CFAP54: variants seen among roughly 807,000 people sequenced by gnomAD.
The protein encoded by CFAP54 is cilia and flagella associated protein 54.
Under a neutral mutation model 370.4 loss-of-function variants are expected in CFAP54, and 290 were observed. That is an observed-to-expected ratio of 0.78 (90% CI 0.71 to 0.86). The LOEUF is 0.86. Ranked by LOEUF, CFAP54 falls within the 40% of genes least tolerant of loss-of-function variation. The pLI, the probability that CFAP54 is intolerant of heterozygous loss-of-function variation, is 0.00. For missense variants in CFAP54, 3,399 were observed against 3,528.7 expected, an observed-to-expected ratio of 0.96 and a Z score of 0.93; for synonymous variants, 1,206 against 1,236.5, an observed-to-expected ratio of 0.98 and a Z score of 0.52.
At chr12:96,653,681 C>G (rs1462117062) in intron 36 of CFAP54, among the ~76,000 whole-genome samples, 1 of 151,174 alleles carries the variant, frequency 6.6e-6, no homozygotes, top group Non-Finnish European at 1.5e-5. Flanking sequence ...TATCAATTAT[C>G]TAAATGTTTA....
chr12:96,728,436 ATC>A (rs1223052422), intron 50 of CFAP54, among the ~76,000 whole-genome samples: 7 of 152,044 alleles, frequency 4.6e-5, no homozygotes, highest in Non-Finnish European at 8.8e-5. Context: ...TTCATCTTCC[ATC>A]ACTGATACCC....
At chr12:96,810,169 C>G (rs1447827956) in intron 63 of CFAP54, among the ~76,000 whole-genome samples, 1 of 151,922 alleles carries the variant, frequency 6.6e-6, no homozygotes, top group Non-Finnish European at 1.5e-5. Context: ...CCTGAGCCTC[C>G]AGTTCCTGAG....
chr12:96,549,007 A>C (rs1246585499), intron 15 of CFAP54, among the ~76,000 whole-genome samples: 3 of 152,110 alleles, frequency 2.0e-5, no homozygotes, highest in African/African-American at 7.2e-5. Flanking sequence ...GGCATGTGCC[A>C]CCACACCCAG....
intron 6 of CFAP54, among the ~76,000 whole-genome samples, chr12:96,519,460 A>C (rs1327427179): frequency 6.6e-6 from 1 of 152,128 alleles, no homozygotes; most frequent in Non-Finnish European, 1.5e-5. Context: ...CAGGGGAAAA[A>C]CAAAACCCAA....
chr12:96,539,962 G>A (rs1360334560), intron 13 of CFAP54, among the ~76,000 whole-genome samples: 1 of 152,220 alleles, frequency 6.6e-6, no homozygotes, highest in East Asian at 1.9e-4. Flanking sequence ...ACATTAGTAT[G>A]CATAGGTGTG....
At chr12:96,687,762 A>G (rs998556014) in intron 42 of CFAP54, among the ~76,000 whole-genome samples, 10 of 152,118 alleles carry the variant, frequency 6.6e-5, no homozygotes, top group East Asian at 1.9e-4. Flanking sequence ...CTCTCTCTCA[A>G]CAAAATCTGA....
intron 5 of CFAP54, 142 bp downstream of exon 5, chr12:96,513,186 A>C (rs1955192325): frequency 3.5e-6 from 1 of 286,420 alleles, no homozygotes; most frequent in Admixed American, 5.0e-5. Flanking sequence ...TATATATTAT[A>C]TAGCTTTATT....
intron 22 of CFAP54, among the ~76,000 whole-genome samples, chr12:96,589,075 T>C (rs1956101058): frequency 6.6e-6 from 1 of 152,226 alleles, no homozygotes; most frequent in Non-Finnish European, 1.5e-5. Flanking sequence ...ATTATAACAG[T>C]ATCTATAATA....
intron 39 of CFAP54, among the ~76,000 whole-genome samples, chr12:96,666,636 C>A (rs1026883378): frequency 1.3e-5 from 2 of 152,156 alleles, no homozygotes; most frequent in Admixed American, 6.5e-5. Context: ...ATGAGAACAA[C>A]ATGGGAAAAT....
At chr12:96,654,720 C>T (rs1225712133) in intron 36 of CFAP54, among the ~76,000 whole-genome samples, 2 of 151,986 alleles carry the variant, frequency 1.3e-5, no homozygotes, top group African/African-American at 4.8e-5. Context: ...CCTTCCCAGT[C>T]TTTGCTATCT....
chr12:96,600,374 T>A (rs930396034), intron 26 of CFAP54, among the ~76,000 whole-genome samples: 1 of 152,190 alleles, frequency 6.6e-6, no homozygotes, highest in Admixed American at 6.5e-5. Context: ...TACCATGCTG[T>A]TTTGGTTACT....
At position 96,743,414 on chromosome 12, in the gene CFAP54, C is replaced by G. The variant is rs1958073877; in HGVS notation, c.7232C>G (p.Thr2411Arg). 6.2e-7 allele frequency: 1 copy of G among 1,613,404 alleles called. No individual in the cohort carries two copies. Among genetic ancestry groups the G allele is most frequent in the South Asian group, 1.1e-5 (1 of 90,884 alleles). ...GIGIVKEDDM[T>R]DCLSLINEVC... is the part of the protein sequence containing the mutation. ...TTGTTTATTTTAGAGGATGATATGA[C>G]AGATTGCCTGAGCCTCATCAATGAA... Residue 2411 changes from threonine (T) to arginine (R), a missense_variant, in exon 53 of 68, where the codon ACA becomes AGA. By Grantham distance (71) the Thr-to-Arg change is moderately conservative. Coordinates refer to ENST00000524981, the MANE Select transcript of CFAP54 (RefSeq NM_001306084.2).
At chr12:96,516,978 T>C (rs1176853661) in intron 5 of CFAP54, among the ~76,000 whole-genome samples, 3 of 151,946 alleles carry the variant, frequency 2.0e-5, no homozygotes, top group Non-Finnish European at 4.4e-5. Context: ...GTTTTAGATA[T>C]GGATATCATT....
At chr12:96,840,561 A>T (rs1385099913) in intron 66 of CFAP54, among the ~76,000 whole-genome samples, 2 of 151,652 alleles carry the variant, frequency 1.3e-5, no homozygotes, top group Non-Finnish European at 2.9e-5. Context: ...AAAATTAATT[A>T]TACTAATATA....
chr12:96,539,217 C>T (rs886285193), intron 13 of CFAP54, among the ~76,000 whole-genome samples: 13 of 151,418 alleles, frequency 8.6e-5, no homozygotes, highest in African/African-American at 2.4e-4. Flanking sequence ...TCCACCACCA[C>T]GGCCGGCTAA....
chr12:96,590,662 G>A (rs891906841), intron 23 of CFAP54, among the ~76,000 whole-genome samples: 2 of 152,216 alleles, frequency 1.3e-5, no homozygotes, highest in African/African-American at 4.8e-5. Flanking sequence ...GGAAGAGACA[G>A]GACTTAGATA....
chr12:96,512,081 A>G (rs1273871202), intron 4 of CFAP54, among the ~76,000 whole-genome samples: 1 of 151,754 alleles, frequency 6.6e-6, no homozygotes, highest in Non-Finnish European at 1.5e-5. Flanking sequence ...TGGAAATGCT[A>G]TTTTTTCACT....
At position 96,747,737 on chromosome 12, in the gene CFAP54, T is replaced by TA. The variant is rs1176669859; in HGVS notation, c.7684+3592dup. Reference sequence around the variant, plus strand: ...TGATCTTAGAAGTTATCCAAGCTCTTAGACTTCATGCCTTATCTGCAAAAT... The same window carrying TA: ...TGATCTTAGAAGTTATCCAAGCTCTTAAGACTTCATGCCTTATCTGCAAAAT... On this transcript the variant is annotated intron_variant, in intron 55 of 67. Transcript: ENST00000524981. 9.8e-5 allele frequency among the ~76,000 whole-genome samples: 15 copies of TA among 152,298 alleles called. No homozygotes were observed. The East Asian group carries it at 2.9e-3, about 29-fold the overall frequency.
intron 56 of CFAP54, among the ~76,000 whole-genome samples, chr12:96,754,169 A>G (rs1353242508): frequency 1.3e-5 from 2 of 152,230 alleles, no homozygotes; most frequent in Admixed American, 1.3e-4. Flanking sequence ...GGTTTGACTG[A>G]AAAATGGCAG....
Sources: gnomAD v4.1 joint callset for allele counts (sites outside exome capture counted in the v4.1 genomes callset) on GRCh38, gnomAD v4.1.1 for gene constraint, MANE v1.5 for transcripts, NCBI Gene and HGNC (gene_info 2026-07-23, HGNC 2026-07-21) for gene names.